The following RASEF variants were observed in gnomAD, a reference collection of about 807,000 sequenced individuals.
The protein encoded by RASEF is RAS and EF-hand domain containing.
In RASEF, 68 loss-of-function variants were observed where a neutral mutation model predicts 90.1. That is an observed-to-expected ratio of 0.75 (90% confidence interval 0.62 to 0.92). The LOEUF (loss-of-function observed/expected upper bound fraction) is 0.92. Among genes scored for constraint, RASEF ranks in the 40% least tolerant of loss-of-function variants. The pLI, the probability that RASEF is intolerant of heterozygous loss-of-function variation, is 0.00. For missense variants in RASEF, 949 were observed against 937.2 expected (o/e 1.01, Z -0.16); for synonymous variants, 331 against 345.2 (o/e 0.96, Z 0.46).
At chr9:83,001,966 T>G (rs1020277131) in intron 9 of RASEF, among the ~76,000 whole-genome samples, 1 of 152,190 alleles carries the variant, frequency 6.6e-6, no homozygotes, top group Admixed American at 6.5e-5. Flanking sequence ...TTACCATTAG[T>G]GAAACTCTGA....
chr9:83,139,177 CT>C, the RASEF span, among the ~76,000 whole-genome samples: 1 of 152,154 alleles, frequency 6.6e-6, no homozygotes, highest in African/African-American at 2.4e-5. Flanking sequence ...GGATATGCCT[CT>C]TAACAGGATC....
the RASEF span, among the ~76,000 whole-genome samples, chr9:83,136,015 C>T: frequency 6.6e-6 from 1 of 151,794 alleles, no homozygotes; most frequent in Non-Finnish European, 1.5e-5. Flanking sequence ...ATAAAATTTG[C>T]ATATATGTGT....
intron 1 of RASEF, among the ~76,000 whole-genome samples, chr9:83,043,975 T>G (rs1285644370): frequency 6.6e-6 from 1 of 152,190 alleles, no homozygotes; most frequent in Non-Finnish European, 1.5e-5. Context: ...GAATAATGAA[T>G]CTAGCAGCTC....
At position 82,982,474 on chromosome 9, in the gene RASEF, C is replaced by T; in HGVS notation, c.*203G>A. The T allele has an allele frequency of 2.1e-6, 1 of 486,504 alleles. No individual in the cohort carries two copies. The allele number at this position is 486,504 out of a possible 1,614,324, so 30.1% of individuals were successfully genotyped here. A position where few individuals can be genotyped will look rare whatever the true frequency, so the allele number is the denominator to read the frequency against. On this transcript the variant is annotated 3_prime_UTR_variant, in exon 17 of 17. Transcript: ENST00000376447. ...TAAGGACATGACTAGTCTATTTAGC[C>T]AGAGGGCCCAAATCACTCACTGAGA...
At chr9:83,081,521 C>G in the RASEF span, among the ~76,000 whole-genome samples, 1 of 152,140 alleles carries the variant, frequency 6.6e-6, no homozygotes, top group African/African-American at 2.4e-5. Flanking sequence ...TTTTCATGAA[C>G]ACAAGAATGA....
At chr9:82,998,835 A>C (rs1828971335) in intron 12 of RASEF, among the ~76,000 whole-genome samples, 1 of 152,114 alleles carries the variant, frequency 6.6e-6, no homozygotes, top group African/African-American at 2.4e-5. Flanking sequence ...GTGTAGGTGC[A>C]GATACGTGTT....
At chr9:83,003,629 C>T (rs960065320) in intron 9 of RASEF, among the ~76,000 whole-genome samples, 4 of 152,080 alleles carry the variant, frequency 2.6e-5, no homozygotes, top group African/African-American at 9.7e-5. Context: ...ACCACTTAAA[C>T]CTGATACAAT....
chr9:83,194,347 C>T, the RASEF span, among the ~76,000 whole-genome samples: 686 of 152,264 alleles, frequency 4.5e-3, 2 homozygotes, highest in Non-Finnish European at 7.6e-3. Context: ...GACTGCTCCT[C>T]AATTTGGGTT....
chr9:83,114,041 CT>C, the RASEF span, among the ~76,000 whole-genome samples: 1 of 152,122 alleles, frequency 6.6e-6, no homozygotes, highest in Non-Finnish European at 1.5e-5. Context: ...TAAAATTTCT[CT>C]CTTTGTACTC....
the RASEF span, among the ~76,000 whole-genome samples, chr9:83,110,678 A>C: frequency 6.6e-6 from 1 of 152,126 alleles, no homozygotes; most frequent in African/African-American, 2.4e-5. Context: ...GTTCACCCCA[A>C]AAAGGGAGGC....
chr9:83,154,787 T>G, the RASEF span, among the ~76,000 whole-genome samples: 3 of 152,258 alleles, frequency 2.0e-5, no homozygotes, highest in African/African-American at 7.2e-5. Flanking sequence ...TAAGAATCCT[T>G]GCCTCATTGC....
the RASEF span, among the ~76,000 whole-genome samples, chr9:83,106,910 A>G: frequency 6.6e-6 from 1 of 152,168 alleles, no homozygotes; most frequent in African/African-American, 2.4e-5. Context: ...CAGTATCCCA[A>G]GGTCCTGTCA....
At chr9:83,020,841 C>A (rs1367590433) in intron 3 of RASEF, among the ~76,000 whole-genome samples, 1 of 151,958 alleles carries the variant, frequency 6.6e-6, no homozygotes, top group African/African-American at 2.4e-5. Context: ...AATTTGTGCA[C>A]AGATTAAACA....
chr9:83,030,315 T>A (rs1189176661), intron 1 of RASEF, among the ~76,000 whole-genome samples: 2 of 151,804 alleles, frequency 1.3e-5, no homozygotes, highest in Non-Finnish European at 2.9e-5. Flanking sequence ...CAAGATCATG[T>A]TACTGCACTC....
At chr9:83,037,672 C>T (rs1163666917) in intron 1 of RASEF, among the ~76,000 whole-genome samples, 1 of 151,374 alleles carries the variant, frequency 6.6e-6, no homozygotes, top group Non-Finnish European at 1.5e-5. Context: ...CTCATTGTGG[C>T]TTATCACCAT....
At chr9:83,059,690 T>C (rs76617114) in intron 1 of RASEF, among the ~76,000 whole-genome samples, 2,106 of 152,204 alleles carry the variant, frequency 0.014, 40 homozygotes, top group African/African-American at 0.048. Context: ...AATTCTCTTA[T>C]GTAACTAAAT....
intron 1 of RASEF, chr9:83,048,528 A>T: frequency 1.2e-5 from 12 of 985,298 alleles, no homozygotes; most frequent in Non-Finnish European, 1.4e-5. Flanking sequence ...CATACAGTGG[A>T]TACAAAAAAA....
intron 1 of RASEF, among the ~76,000 whole-genome samples, chr9:83,039,328 A>G (rs1453420725): frequency 6.6e-6 from 1 of 152,022 alleles, no homozygotes; most frequent in East Asian, 1.9e-4. Flanking sequence ...TCAGTCTCAT[A>G]TCCCCTGTAG....
chr9:83,092,712 T>C, the RASEF span, among the ~76,000 whole-genome samples: 1 of 152,294 alleles, frequency 6.6e-6, no homozygotes, highest in South Asian at 2.1e-4. Flanking sequence ...GGCACCCTGC[T>C]TTTATTTTCT....
Sources: allele counts gnomAD v4.1 joint callset (sites outside exome capture counted in the v4.1 genomes callset), GRCh38; gene constraint gnomAD v4.1.1; transcripts MANE v1.5; gene names NCBI Gene and HGNC (gene_info 2026-07-23, HGNC 2026-07-21).